Variants in PRAG1 observed in about 807,000 individuals in gnomAD.
PRAG1 encodes PEAK1 related, kinase-activating pseudokinase 1, also known as inactive tyrosine-protein kinase PRAG1.
PRAG1 carries 110 observed loss-of-function variants against 95.6 expected under a neutral mutation model. The observed-to-expected ratio is 1.15, with a 90% CI of 0.99 to 1.35. PRAG1 has a LOEUF of 1.35. Among genes scored for constraint, PRAG1 ranks in the 40% most tolerant of loss-of-function variants. The pLI, the probability that PRAG1 is intolerant of heterozygous loss-of-function variation, is 0.00. For synonymous variants in PRAG1, 1,052 were observed against 819.4 expected (o/e 1.28, Z -4.85); for missense variants, 2,554 against 1,864.7 (o/e 1.37, Z -6.81).
At chr8:8,381,117 T>C (rs1392220170) in intron 2 of PRAG1, among the ~76,000 whole-genome samples, 1 of 152,164 alleles carries the variant, frequency 6.6e-6, no homozygotes, top group Non-Finnish European at 1.5e-5. Context: ...TTTAAAATGA[T>C]CAACTAAGAA....
intron 1 of PRAG1, 30 bp from the exon 2 acceptor site, chr8:8,381,864 A>C (rs1472368182): frequency 1.0e-5 from 8 of 766,306 alleles, no homozygotes; most frequent in Non-Finnish European, 1.6e-5. Context: ...TCCTGATTAG[A>C]GATTTGCCAT....
chr8:8,381,863 G>A lies in PRAG1; in HGVS notation c.-87-29C>T, dbSNP rs772318888. On this transcript the variant is annotated intron_variant, in intron 1 of 5. Coordinates refer to ENST00000615670, the MANE Select transcript of PRAG1 (RefSeq NM_001080826.3). ...GAAAGGCAGGACAGTTTCCTGATTA[G>A]AGATTTGCCATGCCAGACAATGGGT... 5.2e-6 allele frequency: 4 copies of A among 773,600 alleles called. No individual in the cohort carries two copies. In the African/African-American group the frequency reaches 5.3e-5, roughly 10 times the overall value. 47.9% of individuals were successfully genotyped at this position (773,600 alleles called of 1,614,324 possible). A position where few individuals can be genotyped will look rare whatever the true frequency, so the allele number is the denominator to read the frequency against.
intron 3 of PRAG1, among the ~76,000 whole-genome samples, chr8:8,346,905 A>C (rs1799361359): frequency 6.6e-6 from 1 of 152,206 alleles, no homozygotes; most frequent in African/African-American, 2.4e-5. Flanking sequence ...ATGCAGTTTC[A>C]GACTGGCTCT....
chr8:8,332,003 C>G (rs956982158), intron 4 of PRAG1, among the ~76,000 whole-genome samples: 5 of 152,170 alleles, frequency 3.3e-5, no homozygotes, highest in Non-Finnish European at 5.9e-5. Context: ...TATACACACA[C>G]TCATTAGAGG....
rs1182540362 is a variant in PRAG1, at chr8:8,376,971, G to A, written c.1438C>T (p.His480Tyr). Residue 480 changes from histidine (H) to tyrosine (Y), a missense_variant, in exon 3 of 6, where the codon CAC becomes TAC. His to Tyr is a moderately conservative substitution (Grantham distance 83, BLOSUM62 2). Coordinates refer to ENST00000615670, the MANE Select transcript of PRAG1 (RefSeq NM_001080826.3). ...VSATITVMAA[H>Y]PEEDHRTIYL... ...ATCGTCCGATGGTCCTCTTCCGGGT[G>A]GGCCGCCATGACTGTGATGGTGGCT... 3 of 1,613,544 alleles carry A rather than the reference G, an allele frequency of 1.9e-6. No individual in the cohort carries two copies. Among genetic ancestry groups the A allele is most frequent in the Admixed American group, 1.7e-5 (1 of 60,024 alleles).
chr8:8,369,420 C>T (rs1326192740), intron 3 of PRAG1, among the ~76,000 whole-genome samples: 2 of 152,166 alleles, frequency 1.3e-5, no homozygotes, highest in Non-Finnish European at 2.9e-5. Context: ...AGTACTGGGG[C>T]AACCTGGAAA....
chr8:8,334,893 G>A (rs1222673464), intron 4 of PRAG1, among the ~76,000 whole-genome samples: 1 of 151,920 alleles, frequency 6.6e-6, no homozygotes, highest in Non-Finnish European at 1.5e-5. Flanking sequence ...GACCAGCCTG[G>A]CCAACATGGC....
intron 3 of PRAG1, among the ~76,000 whole-genome samples, chr8:8,343,577 G>A (rs1230023567): frequency 6.6e-6 from 1 of 152,322 alleles, no homozygotes; most frequent in African/African-American, 2.4e-5. Context: ...GTTGGGTCAT[G>A]ATATTAATGT....
chr8:8,331,743 T>A (rs1260623979), intron 4 of PRAG1, among the ~76,000 whole-genome samples: 1 of 152,138 alleles, frequency 6.6e-6, no homozygotes, highest in Non-Finnish European at 1.5e-5. Context: ...CAAAAAACCC[T>A]TCGTGTATTC....
intron 5 of PRAG1, among the ~76,000 whole-genome samples, chr8:8,326,890 G>C (rs983168892): frequency 6.6e-6 from 1 of 152,182 alleles, no homozygotes; most frequent in African/African-American, 2.4e-5. Flanking sequence ...GTTAGGATTA[G>C]AGGTAAGAGT....
chr8:8,353,615 T>C (rs1056671715), intron 3 of PRAG1, among the ~76,000 whole-genome samples: 1 of 152,036 alleles, frequency 6.6e-6, no homozygotes, highest in African/African-American at 2.4e-5. Flanking sequence ...AGATCCCAAA[T>C]AAATAGTATA....
At position 8,378,362 on chromosome 8, in the gene PRAG1, A is replaced by G. The variant is rs548071214; in HGVS notation, c.331-284T>C. Among the ~76,000 whole-genome samples, 7 of 152,308 alleles carry G rather than the reference A, an allele frequency of 4.6e-5. No homozygotes were observed. In the South Asian group the frequency reaches 6.2e-4, roughly 14 times the overall value. Reference sequence around the variant, plus strand: ...TTGGCTTAAGTCTGTGAAGTAGGAAAAGAAAAATATAACTCTGAAAAAGAA... The same window carrying G: ...TTGGCTTAAGTCTGTGAAGTAGGAAGAGAAAAATATAACTCTGAAAAAGAA... On this transcript the variant is annotated intron_variant, in intron 2 of 5. Coordinates refer to ENST00000615670, the MANE Select transcript of PRAG1 (RefSeq NM_001080826.3).
chr8:8,376,552 TGACGA>T lies in PRAG1; in HGVS notation c.1852_1856del (p.Ser619LeufsTer80), dbSNP rs775772127. 6.2e-7 allele frequency: 1 copy of T among 1,609,268 alleles called. No homozygotes were observed. Among genetic ancestry groups the T allele is most frequent in the Non-Finnish European group, 8.5e-7 (1 of 1,176,528 alleles). ...ACCTGGGCCGCCTCTGTTCCGAGGC[TGACGA>T]GGCGGCAGGCTGGGGACACCTGGAT... is the stretch of plus-strand genomic sequence containing the variant. On this transcript the variant is annotated frameshift_variant, in exon 3 of 6. Transcript: ENST00000615670. LOFTEE classifies it high-confidence loss of function.
Position 8,377,318 on chromosome 8 carries a change from T to C in PRAG1, c.1091A>G (p.Asp364Gly), listed in dbSNP as rs1300023575. The C allele has an allele frequency of 1.2e-6, 2 of 1,612,062 alleles. No individual in the cohort carries two copies. The highest frequency in any genetic ancestry group is 2.2e-5 in the East Asian group (1 of 44,852). Residue 364 changes from aspartate to glycine, a missense_variant, in exon 3 of 6, where the codon GAT (aspartate) becomes GGT (glycine). Transcript: ENST00000615670. ...SSPFVPHLES[D>G]YCSLMKEPAP... Reference sequence around the variant, plus strand: ...AGGTTCCTTCATGAGGGAGCAGTAATCACTCTCGAGGTGGGGGACGAAGGG... The same window carrying C: ...AGGTTCCTTCATGAGGGAGCAGTAACCACTCTCGAGGTGGGGGACGAAGGG...
At position 8,370,068 on chromosome 8, in the gene PRAG1, T is replaced by C. The variant is rs114591490; in HGVS notation, c.2162+6179A>G. Among the ~76,000 whole-genome samples, 889 of 152,376 alleles carry C rather than the reference T, an allele frequency of 5.8e-3. 17 individuals are homozygous for C. Among genetic ancestry groups the C allele is most frequent in the African/African-American group, 0.02 (836 of 41,600 alleles). The stretch of plus-strand genomic sequence containing the variant: ...TCTGATAAATTAAAGAAAGAATCTC[T>C]AATTGCTAGCCTTAGTCAAGAATGT... On this transcript the variant is annotated intron_variant, in intron 3 of 5. Transcript: ENST00000615670.
In PRAG1 at chr8:8,318,388, C is replaced by G; in HGVS notation, c.3987G>C (p.Leu1329=). ...GEAKRVLQCL[L]WGPRRELVQQ... is the part of the protein sequence containing the mutation. ...GCACCAGCTCGCGCCGAGGCCCCCACAGCAGGCACTGCAGCACGCGCTTGG... is the reference window on the plus strand; with the variant it reads ...GCACCAGCTCGCGCCGAGGCCCCCAGAGCAGGCACTGCAGCACGCGCTTGG... The change falls in exon 6 of 6, where the codon CTG becomes CTC. Residue 1329 remains leucine, a synonymous_variant. Transcript: ENST00000615670. The surrounding 1 kb of genome is among the most constrained non-coding windows in gnomAD (Gnocchi z 4.2). 6.2e-7 allele frequency: 1 copy of G among 1,613,504 alleles called. No homozygotes were observed. Among genetic ancestry groups the G allele is most frequent in the Non-Finnish European group, 8.5e-7 (1 of 1,179,704 alleles).
chr8:8,351,433 C>A (rs1224306085), intron 3 of PRAG1, among the ~76,000 whole-genome samples: 2 of 152,146 alleles, frequency 1.3e-5, no homozygotes, highest in African/African-American at 2.4e-5. Context: ...CTGAGTAATT[C>A]TTTTTGCTAT....
In PRAG1 at chr8:8,384,513, A is replaced by G. The variant is rs193089821; in HGVS notation, c.-88+1808T>C. On this transcript the variant is annotated intron_variant, in intron 1 of 5. Coordinates refer to ENST00000615670, the MANE Select transcript of PRAG1 (RefSeq NM_001080826.3). Reference sequence around the variant, plus strand: ...AAGTCATTGAATAAGAAAAGAACAAATGAAGCCCTGGGCTTCCCACTGTCA... The same window carrying G: ...AAGTCATTGAATAAGAAAAGAACAAGTGAAGCCCTGGGCTTCCCACTGTCA... 2.6e-5 allele frequency among the ~76,000 whole-genome samples: 4 copies of G among 151,516 alleles called. No homozygotes were observed. The East Asian group carries it at 7.8e-4, about 29-fold the overall frequency.
In PRAG1 at chr8:8,335,752, C is replaced by T. The variant is rs112399543; in HGVS notation, c.2320+3726G>A. Among the ~76,000 whole-genome samples the T allele has an allele frequency of 7.6e-3, 1,158 of 151,894 alleles. 15 individuals are homozygous for T. Among genetic ancestry groups the T allele is most frequent in the African/African-American group, 0.027 (1,117 of 41,530 alleles). On this transcript the variant is annotated intron_variant, in intron 4 of 5. Transcript: ENST00000615670. ...CTGGCTTGATTTTTCTCCTGGCACT[C>T]GCTGCCTTCTGACCAGTAGCTACTT...
Sources: gnomAD v4.1 joint callset for allele counts (sites outside exome capture counted in the v4.1 genomes callset) on GRCh38, gnomAD v4.1.1 for gene constraint, Gnocchi (gnomAD v3.1) non-coding constraint, MANE v1.5 for transcripts, NCBI Gene and HGNC (gene_info 2026-07-23, HGNC 2026-07-21) for gene names.